Variants in ADAMTS16 observed in about 807,000 individuals in gnomAD.
The protein encoded by ADAMTS16 is ADAM metallopeptidase with thrombospondin type 1 motif 16.
In ADAMTS16, 94 loss-of-function variants were observed where a neutral mutation model predicts 145.8. That is an observed-to-expected ratio of 0.64 (90% CI 0.55 to 0.77). The LOEUF is 0.77. Among genes scored for constraint, ADAMTS16 ranks in the 30% least tolerant of loss-of-function variants. The probability of loss-of-function intolerance (pLI) is 0.00; values close to 1 mark genes in which losing one functional copy is unlikely to be tolerated. For synonymous variants in ADAMTS16, 659 were observed against 604.3 expected, an observed-to-expected ratio of 1.09 and a Z score of -1.33; for missense variants, 1,585 against 1,591.5, an observed-to-expected ratio of 1.00 and a Z score of 0.07.
chr5:5,319,287 GTA>G lies in ADAMTS16; in HGVS notation c.*151_*152del. On this transcript the variant is annotated 3_prime_UTR_variant, in exon 23 of 23. Coordinates refer to ENST00000274181, the MANE Select transcript of ADAMTS16 (RefSeq NM_139056.4). ...TTAGGCTCTTTGACCAGGAGTGTATGTATGTGTTTCACTGTGAGCCTGGGTGC... is the reference window on the plus strand; with the variant it reads ...TTAGGCTCTTTGACCAGGAGTGTATGTGTGTTTCACTGTGAGCCTGGGTGC... 1.5e-6 allele frequency: 1 copy of G among 651,396 alleles called. No homozygotes were observed. The highest frequency in any genetic ancestry group is 2.7e-6 in the Non-Finnish European group (1 of 367,914). The allele number at this position is 651,396 out of a possible 1,614,324, so 40.4% of individuals were successfully genotyped here.
At chr5:5,186,316 G>A in intron 5 of ADAMTS16, 65 bp downstream of exon 5, 1 of 1,338,772 alleles carries the variant, frequency 7.5e-7, no homozygotes, top group Middle Eastern at 1.9e-4. Context: ...GTGTGTGTGT[G>A]TGTGTGTGTG....
In ADAMTS16 at chr5:5,303,303, C is replaced by A. The variant is rs77172736; in HGVS notation, c.2825C>A (p.Thr942Lys). 998 of 1,594,842 alleles carry A rather than the reference C, an allele frequency of 6.3e-4. 6 individuals carry two copies. The African/African-American group carries it at 0.012, about 19-fold the overall frequency. ...SVGNWSACSR[T>K]CGGGAQSRPV... The stretch of plus-strand genomic sequence containing the variant: ...GGGAACTGGAGTGCCTGCAGTCGGA[C>A]GTGTGGCGGGGGTGCCCAGAGCCGC... Residue 942 changes from threonine (T) to lysine (K), a missense_variant, in exon 19 of 23, where the codon ACG becomes AAG. Physicochemically the swap from Thr to Lys is moderately conservative, Grantham distance 78. Coordinates refer to ENST00000274181, the MANE Select transcript of ADAMTS16 (RefSeq NM_139056.4).
chr5:5,277,472 A>G (rs1322480321), intron 18 of ADAMTS16, among the ~76,000 whole-genome samples: 1 of 152,144 alleles, frequency 6.6e-6, no homozygotes, highest in East Asian at 1.9e-4. Flanking sequence ...GTTTGAAATG[A>G]TTGCAGTCAT....
intron 9 of ADAMTS16, among the ~76,000 whole-genome samples, chr5:5,208,043 T>C (rs911064752): frequency 1.2e-4 from 18 of 152,194 alleles, no homozygotes; most frequent in African/African-American, 4.3e-4. Flanking sequence ...CATCTTAAAA[T>C]TTAGAAAGTA....
chr5:5,251,666 G>A (rs1737626128), intron 17 of ADAMTS16, among the ~76,000 whole-genome samples: 1 of 152,174 alleles, frequency 6.6e-6, no homozygotes, highest in Admixed American at 6.5e-5. Flanking sequence ...ATGAACCTGG[G>A]TGCCTACCAG....
chr5:5,186,530 A>G (rs536285544), intron 5 of ADAMTS16, among the ~76,000 whole-genome samples: 2 of 152,272 alleles, frequency 1.3e-5, no homozygotes, highest in East Asian at 1.9e-4. Flanking sequence ...GCTTACTGGC[A>G]TCTATTTACT....
chr5:5,243,899 C>T (rs1232344230), intron 17 of ADAMTS16, among the ~76,000 whole-genome samples: 2 of 152,142 alleles, frequency 1.3e-5, no homozygotes, highest in East Asian at 3.9e-4. Context: ...CCTAACTATC[C>T]CTAAGGAATA....
intron 18 of ADAMTS16, among the ~76,000 whole-genome samples, chr5:5,288,727 A>C (rs1311939136): frequency 6.6e-6 from 1 of 152,248 alleles, no homozygotes; most frequent in Non-Finnish European, 1.5e-5. Flanking sequence ...GCTAAGGAAC[A>C]TTAAATTACA....
intron 3 of ADAMTS16, among the ~76,000 whole-genome samples, chr5:5,151,215 CTTATTTATTTATTTAT>C (rs3059259): frequency 0.013 from 1,905 of 145,868 alleles, 41 homozygotes; most frequent in African/African-American, 0.047. Flanking sequence ...TTTCTTTTCT[CTTATTTATTTATTTAT>C]TTATTTATTT....
At chr5:5,285,978 A>G (rs1290291209) in intron 18 of ADAMTS16, among the ~76,000 whole-genome samples, 1 of 152,208 alleles carries the variant, frequency 6.6e-6, no homozygotes, top group Non-Finnish European at 1.5e-5. Flanking sequence ...ACTTGTGCGT[A>G]TGTAGACTTT....
chr5:5,279,900 CT>C (rs1738832816), intron 18 of ADAMTS16, among the ~76,000 whole-genome samples: 3 of 50,988 alleles, frequency 5.9e-5, no homozygotes, highest in South Asian at 1.5e-3. Flanking sequence ...TTCCTTCTTT[CT>C]TTTCTTTTCT....
At chr5:5,167,256 T>C (rs1487838316) in intron 3 of ADAMTS16, among the ~76,000 whole-genome samples, 1 of 152,190 alleles carries the variant, frequency 6.6e-6, no homozygotes, top group African/African-American at 2.4e-5. Context: ...GCCTGTCTCA[T>C]AACAGGCAGT....
At chr5:5,156,010 C>T (rs141827578) in intron 3 of ADAMTS16, among the ~76,000 whole-genome samples, 1 of 152,278 alleles carries the variant, frequency 6.6e-6, no homozygotes, top group African/African-American at 2.4e-5. Flanking sequence ...AAGAAGTCCA[C>T]AAGGAACAGA....
chr5:5,288,428 T>C (rs984482103), intron 18 of ADAMTS16, among the ~76,000 whole-genome samples: 2 of 152,232 alleles, frequency 1.3e-5, no homozygotes, highest in African/African-American at 4.8e-5. Flanking sequence ...TCAGATGTTA[T>C]AGATAATCTG....
At position 5,232,420 on chromosome 5, in the gene ADAMTS16, C is replaced by T; in HGVS notation, c.1754C>T (p.Thr585Ile). 6.2e-7 allele frequency: 1 copy of T among 1,613,992 alleles called. No individual in the cohort carries two copies. Among genetic ancestry groups the T allele is most frequent in the Non-Finnish European group, 8.5e-7 (1 of 1,179,992 alleles). Reference protein sequence around the residue: ...VKYGDEGPKPTHGHWSDWSSW... With the variant: ...VKYGDEGPKPIHGHWSDWSSW... ...TATGGTGATGAAGGCCCCAAGCCCA[C>T]CCATGGCCACTGGTCGGACTGGTCT... is the stretch of plus-strand genomic sequence containing the variant. Residue 585 changes from threonine to isoleucine, a missense_variant, in exon 12 of 23, where the codon ACC (threonine) becomes ATC (isoleucine). This residue lies in a region of ADAMTS16 where 298 missense variants were observed against 367.6 expected (regional missense o/e 0.81). Coordinates refer to ENST00000274181, the MANE Select transcript of ADAMTS16 (RefSeq NM_139056.4).
At chr5:5,264,674 A>G (rs748202456) in intron 18 of ADAMTS16, among the ~76,000 whole-genome samples, 10 of 152,196 alleles carry the variant, frequency 6.6e-5, no homozygotes, top group Non-Finnish European at 1.5e-4. Context: ...TTGTCCTCCC[A>G]GCACACCTGC....
At chr5:5,146,003 C>A (rs1483863523) in intron 2 of ADAMTS16, 127 bp from the exon 3 acceptor site, 1 of 783,266 alleles carries the variant, frequency 1.3e-6, no homozygotes, top group Non-Finnish European at 2.0e-6. Context: ...GTAGGTGTTG[C>A]ATTTTTCTTC....
At chr5:5,306,459 A>C in intron 20 of ADAMTS16, 45 bp from the exon 21 acceptor site, 1 of 1,571,146 alleles carries the variant, frequency 6.4e-7, no homozygotes, top group Non-Finnish European at 8.7e-7. Context: ...ATTTTGCAAA[A>C]AAAGAGATTT....
intron 3 of ADAMTS16, among the ~76,000 whole-genome samples, chr5:5,162,514 AT>A (rs1734767359): frequency 6.6e-6 from 1 of 152,158 alleles, no homozygotes; most frequent in Non-Finnish European, 1.5e-5. Context: ...AACATTGGGT[AT>A]TGGAGGGAAA....
Sources: allele counts gnomAD v4.1 joint callset (sites outside exome capture counted in the v4.1 genomes callset), GRCh38; gene constraint gnomAD v4.1.1; regional missense constraint gnomAD v4.1.1; transcripts MANE v1.5; gene names NCBI Gene and HGNC (gene_info 2026-07-23, HGNC 2026-07-21).